The following DMD variants were observed in gnomAD, a reference collection of about 807,000 sequenced individuals.
DMD encodes the protein mutant dystrophin.
Under a neutral mutation model 330.1 loss-of-function variants are expected in DMD, and 63 were observed. That is an observed-to-expected ratio of 0.19 (90% CI 0.16 to 0.24). DMD has a LOEUF of 0.24. DMD is among the 10% of genes least tolerant of loss of function. The pLI is 1.00. For synonymous variants in DMD, 1,223 were observed against 959.8 expected (o/e 1.27, Z -5.07); for missense variants, 3,344 against 2,684.1 (o/e 1.25, Z -5.43).
intron 1 of DMD, among the ~76,000 whole-genome samples, chrX:33,226,379 C>T (rs2052290682): frequency 8.9e-6 from 1 of 111,843 alleles, no homozygotes; most frequent in Admixed American, 9.5e-5. Context: ...GAATACTACT[C>T]AGCAGTACAA....
intron 45 of DMD, among the ~76,000 whole-genome samples, chrX:31,960,049 G>A (rs5927904): frequency 7.4e-5 from 8 of 108,550 alleles, no homozygotes; most frequent in African/African-American, 1.3e-4. Context: ...GTGAGCCACC[G>A]CATCTGGCCT....
intron 45 of DMD, among the ~76,000 whole-genome samples, chrX:31,966,238 T>A (rs1355958162): frequency 1.1e-5 from 1 of 90,740 alleles, no homozygotes; most frequent in Non-Finnish European, 2.0e-5. Context: ...TTACAGCCCT[T>A]CTATAATTAA....
chrX:32,728,848 C>T (rs1260925926), intron 7 of DMD, among the ~76,000 whole-genome samples: 1 of 111,703 alleles, frequency 9.0e-6, no homozygotes, highest in African/African-American at 3.3e-5. Flanking sequence ...CTGAAGAAGG[C>T]CTGACGTTGG....
At chrX:32,750,943 C>G (rs781296118) in intron 7 of DMD, among the ~76,000 whole-genome samples, 4 of 111,694 alleles carry the variant, frequency 3.6e-5, no homozygotes, top group African/African-American at 6.5e-5. Context: ...CACACAAGCT[C>G]TCTGTCTGCT....
chrX:31,449,763 G>GAGATATATATATATATAT (rs1491251038), intron 59 of DMD, among the ~76,000 whole-genome samples: 1 of 62,472 alleles, frequency 1.6e-5, no homozygotes, highest in African/African-American at 5.4e-5. Flanking sequence ...TAAATGGTGT[G>GAGATATATATATATATAT]ATATATATAT....
At chrX:32,970,495 A>C (rs1304859230) in intron 2 of DMD, among the ~76,000 whole-genome samples, 1 of 92,688 alleles carries the variant, frequency 1.1e-5, no homozygotes. Flanking sequence ...TTAGCTGGAC[A>C]TGGTGGCGCA....
intron 1 of DMD, among the ~76,000 whole-genome samples, chrX:33,114,109 A>AT (rs1382657494): frequency 6.7e-5 from 7 of 105,073 alleles, no homozygotes; most frequent in Admixed American, 2.0e-4. Flanking sequence ...CAATATTATT[A>AT]TTATTTTTTT....
chrX:33,210,051 G>C (rs895360949), intron 1 of DMD, among the ~76,000 whole-genome samples: 1 of 110,350 alleles, frequency 9.1e-6, no homozygotes, highest in East Asian at 2.9e-4. Context: ...TGTAATGATA[G>C]TAAATATAAT....
At chrX:33,230,886 A>T (rs1026296989) in intron 1 of DMD, among the ~76,000 whole-genome samples, 1 of 111,013 alleles carries the variant, frequency 9.0e-6, no homozygotes, top group Non-Finnish European at 1.9e-5. Flanking sequence ...TCTAGATTTT[A>T]AAAAAGTATC....
chrX:33,288,626 G>T (rs2053469185), intron 1 of DMD, among the ~76,000 whole-genome samples: 1 of 110,768 alleles, frequency 9.0e-6, no homozygotes, highest in African/African-American at 3.3e-5. Context: ...AAACTTTCCT[G>T]CCTCATTTCA....
At chrX:32,868,168 G>T (rs2082664237) in intron 2 of DMD, among the ~76,000 whole-genome samples, 1 of 111,944 alleles carries the variant, frequency 8.9e-6, no homozygotes, top group Admixed American at 9.4e-5. Context: ...GTGAGTGATT[G>T]TCCTACCCTG....
At chrX:32,784,476 G>A (rs1012766519) in intron 7 of DMD, among the ~76,000 whole-genome samples, 14 of 111,764 alleles carry the variant, frequency 1.3e-4, no homozygotes, top group African/African-American at 4.2e-4. Context: ...TTCAACAAGA[G>A]AAAATAAATC....
chrX:32,443,911 C>T (rs1271265343), intron 27 of DMD, among the ~76,000 whole-genome samples: 2 of 110,900 alleles, frequency 1.8e-5, no homozygotes, highest in Non-Finnish European at 3.8e-5. Flanking sequence ...TTCAGTTATA[C>T]CAAAATACAT....
rs71860126 is a variant in DMD at position 31,120,866 on chromosome X, TATCA to T, written c.*1049_*1052del. The T allele has an allele frequency of 0.047, 5,117 of 108,101 alleles. 223 individuals are homozygous for T. The highest frequency in any genetic ancestry group is 0.14 in the African/African-American group (3,969 of 27,970). The allele number at this position is 108,101 out of a possible 1,213,427, so 8.9% of individuals were successfully genotyped here. On this transcript the variant is annotated 3_prime_UTR_variant, in exon 79 of 79. Transcript: ENST00000357033. ...ATTGCTAGCAGCAGGAAGCTGAATG[TATCA>T]ATCAATCAATCAATCAACCAACCAA...
At chrX:31,279,643 A>G (rs1383725960) in intron 62 of DMD, among the ~76,000 whole-genome samples, 3 of 112,482 alleles carry the variant, frequency 2.7e-5, no homozygotes, top group Non-Finnish European at 5.6e-5. Flanking sequence ...CAGCCTGTCA[A>G]CCATCAGACA....
At chrX:31,894,560 G>A (rs2094305267) in intron 47 of DMD, among the ~76,000 whole-genome samples, 1 of 111,766 alleles carries the variant, frequency 8.9e-6, no homozygotes, top group Non-Finnish European at 1.9e-5. Context: ...AGAAGTTTTG[G>A]GGCATCTTTA....
intron 54 of DMD, among the ~76,000 whole-genome samples, chrX:31,628,940 AT>A (rs1452606432): frequency 1.9e-5 from 2 of 105,002 alleles, no homozygotes; most frequent in African/African-American, 6.8e-5. Flanking sequence ...ATATATATAT[AT>A]AAAATGCATG....
At chrX:32,680,883 G>A (rs2062366167) in intron 9 of DMD, among the ~76,000 whole-genome samples, 1 of 111,123 alleles carries the variant, frequency 9.0e-6, no homozygotes, top group African/African-American at 3.3e-5. Context: ...TATTTGAGAC[G>A]GGAGTGGGGG....
intron 7 of DMD, among the ~76,000 whole-genome samples, chrX:32,780,269 T>TTC (rs2074587503): frequency 8.9e-6 from 1 of 112,503 alleles, no homozygotes; most frequent in South Asian, 3.6e-4. Context: ...ATACATGGAA[T>TTC]TCTATACTAG....
Sources: allele counts gnomAD v4.1 joint callset (sites outside exome capture counted in the v4.1 genomes callset), GRCh38; gene constraint gnomAD v4.1.1; transcripts MANE v1.5; gene names NCBI Gene and HGNC (gene_info 2026-07-23, HGNC 2026-07-21).